Variants in GRK5 observed in about 807,000 individuals in gnomAD.
GRK5 encodes the protein G protein-coupled receptor kinase 5.
In GRK5, 40 loss-of-function variants were observed where a neutral mutation model predicts 78.4. The observed-to-expected ratio is 0.51, with a 90% confidence interval of 0.40 to 0.66. GRK5 has a LOEUF of 0.66. GRK5 is among the 30% of genes least tolerant of loss of function. The probability of loss-of-function intolerance (pLI) is 0.00; values close to 1 mark genes in which losing one functional copy is unlikely to be tolerated. For missense variants in GRK5, 598 were observed against 759.9 expected (o/e 0.79, Z 2.50); for synonymous variants, 289 against 296.8 (o/e 0.97, Z 0.27).
Position 119,267,289 on chromosome 10 carries a change from C to T in GRK5, c.53-59227C>T, listed in dbSNP as rs1012094845. On this transcript the variant is annotated intron_variant, in intron 1 of 15. Transcript: ENST00000392870. This position sits in a 1 kb window ranked among gnomAD's most constrained non-coding sequence, Gnocchi z 4.1. ...GCAGTGACAGGGTCTGCCTGTGTTG[C>T]CCAGGCTGGTCTCAAACTCCCTGCT... Among the ~76,000 whole-genome samples, 6 of 152,246 alleles carry T rather than the reference C, an allele frequency of 3.9e-5. No homozygotes were observed. The highest frequency in any genetic ancestry group is 1.4e-4 in the African/African-American group (6 of 41,560).
chr10:119,352,751 C>G (rs1220244430), intron 2 of GRK5, among the ~76,000 whole-genome samples: 1 of 152,200 alleles, frequency 6.6e-6, no homozygotes, highest in Non-Finnish European at 1.5e-5. Context: ...ACTCTTGGTA[C>G]AAACCAGTCT....
At chr10:119,371,954 CA>C (rs1416328707) in intron 2 of GRK5, among the ~76,000 whole-genome samples, 2 of 152,340 alleles carry the variant, frequency 1.3e-5, no homozygotes, top group Admixed American at 6.5e-5. Context: ...CACAGCCATC[CA>C]GAGTTGCTCC....
At chr10:119,404,983 T>C (rs1852209680) in intron 4 of GRK5, among the ~76,000 whole-genome samples, 2 of 152,226 alleles carry the variant, frequency 1.3e-5, no homozygotes, top group Admixed American at 6.5e-5. Context: ...GTGTTACTTG[T>C]AGGACATTTT....
At chr10:119,275,611 T>TCTCTTTCG (rs574879389) in intron 1 of GRK5, among the ~76,000 whole-genome samples, 1 of 123,912 alleles carries the variant, frequency 8.1e-6, no homozygotes. Context: ...TCTCTCTCTC[T>TCTCTTTCG]CGCACACACA....
intron 1 of GRK5, among the ~76,000 whole-genome samples, chr10:119,256,239 C>T (rs1031047584): frequency 5.9e-5 from 9 of 152,164 alleles, no homozygotes; most frequent in African/African-American, 1.9e-4. Context: ...TGTGGAGACT[C>T]TGCATTCCCG....
In GRK5 at chr10:119,412,879, G is replaced by A. The variant is rs796154502; in HGVS notation, c.340-10287G>A. Among the ~76,000 whole-genome samples, 1 of 152,082 alleles carries A rather than the reference G, an allele frequency of 6.6e-6. No individual in the cohort carries two copies. Among genetic ancestry groups the A allele is most frequent in the Non-Finnish European group, 1.5e-5 (1 of 68,024 alleles). On this transcript the variant is annotated intron_variant, in intron 4 of 15. Transcript: ENST00000392870. The surrounding 1 kb of genome is among the most constrained non-coding windows in gnomAD (Gnocchi z 4.3). ...TGCTTTCCCCACCCCAGACCCCGTC[G>A]CTGCAGCTGGGTGAGCAGGGCTGAG...
At chr10:119,228,182 AC>A (rs1848769761) in intron 1 of GRK5, among the ~76,000 whole-genome samples, 1 of 152,022 alleles carries the variant, frequency 6.6e-6, no homozygotes, top group South Asian at 2.1e-4. Flanking sequence ...AAAAACAAAA[AC>A]AAAAAACTAA....
In GRK5 at chr10:119,455,086, A is replaced by G. The variant is rs1478374113; in HGVS notation, c.*19A>G. The G allele has an allele frequency of 2.5e-6, 4 of 1,573,828 alleles. No individual in the cohort carries two copies. The highest frequency in any genetic ancestry group is 1.3e-5 in the African/African-American group (1 of 74,096). Reference sequence around the variant, plus strand: ...CAGCTAGTTTCGGCTCTGGCCTCCAAGTCCACAGTGGAACCAGCCCAGACC... The same window carrying G: ...CAGCTAGTTTCGGCTCTGGCCTCCAGGTCCACAGTGGAACCAGCCCAGACC... On this transcript the variant is annotated 3_prime_UTR_variant, in exon 16 of 16. Transcript: ENST00000392870.
At chr10:119,410,706 C>T (rs1319829904) in intron 4 of GRK5, among the ~76,000 whole-genome samples, 2 of 151,966 alleles carry the variant, frequency 1.3e-5, no homozygotes, top group Admixed American at 1.3e-4. Context: ...GTCAGTTCTG[C>T]CATTAGGAAA....
At chr10:119,221,842 C>G (rs1445702471) in intron 1 of GRK5, among the ~76,000 whole-genome samples, 2 of 152,116 alleles carry the variant, frequency 1.3e-5, no homozygotes, top group Non-Finnish European at 2.9e-5. Flanking sequence ...TTTCTGAGAC[C>G]TTTGGGACTT....
In GRK5 at chr10:119,248,133, T is replaced by C. The variant is rs1481242273; in HGVS notation, c.52+40164T>C. On this transcript the variant is annotated intron_variant, in intron 1 of 15. Coordinates refer to ENST00000392870, the MANE Select transcript of GRK5 (RefSeq NM_005308.3). ...CTCTAGCAATCCTCCCACCTTGGCC[T>C]CTGAAGGAGCTGGGACTATAGGCAT... Among the ~76,000 whole-genome samples, 3 of 152,162 alleles carry C rather than the reference T, an allele frequency of 2.0e-5. No individual in the cohort carries two copies. In the East Asian group the frequency reaches 5.8e-4, roughly 29 times the overall value.
In GRK5 at chr10:119,412,603, A is replaced by G. The variant is rs1035914980; in HGVS notation, c.340-10563A>G. Among the ~76,000 whole-genome samples, 1 of 152,170 alleles carries G rather than the reference A, an allele frequency of 6.6e-6. No homozygotes were observed. The highest frequency in any genetic ancestry group is 6.5e-5 in the Admixed American group (1 of 15,278). ...TGCCTGGCCATGGACAGAGAAAGGA[A>G]CCACTCCAGACGGACGTGAGGGTGT... On this transcript the variant is annotated intron_variant, in intron 4 of 15. Coordinates refer to ENST00000392870, the MANE Select transcript of GRK5 (RefSeq NM_005308.3). The surrounding 1 kb of genome is among the most constrained non-coding windows in gnomAD (Gnocchi z 4.3).
chr10:119,406,972 A>G (rs1356359292), intron 4 of GRK5, among the ~76,000 whole-genome samples: 1 of 152,238 alleles, frequency 6.6e-6, no homozygotes, highest in Non-Finnish European at 1.5e-5. Context: ...TCACAGCCAT[A>G]TAAAATAACA....
intron 3 of GRK5, among the ~76,000 whole-genome samples, chr10:119,390,381 T>C (rs2133841747): frequency 6.6e-6 from 1 of 152,248 alleles, no homozygotes; most frequent in Non-Finnish European, 1.5e-5. Flanking sequence ...GCAGCAGAAC[T>C]GCCCTTTATA....
Position 119,277,419 on chromosome 10 carries a change from C to T in GRK5, c.53-49097C>T, listed in dbSNP as rs73450555. On this transcript the variant is annotated intron_variant, in intron 1 of 15. Transcript: ENST00000392870. ...ATAATTGTTGATGTTGAGGCATGAT[C>T]TCTGCATGCATTCTGTACCTGCTCC... 2.6e-3 allele frequency among the ~76,000 whole-genome samples: 393 copies of T among 152,312 alleles called. 1 individual carries two copies. The highest frequency in any genetic ancestry group is 0.01 in the Middle Eastern group (3 of 294).
At chr10:119,343,689 G>C (rs1851022192) in intron 2 of GRK5, among the ~76,000 whole-genome samples, 1 of 152,252 alleles carries the variant, frequency 6.6e-6, no homozygotes, top group Non-Finnish European at 1.5e-5. Context: ...AGGGGAGGCT[G>C]GGTTGGGCCC....
At chr10:119,233,025 G>C (rs983357551) in intron 1 of GRK5, among the ~76,000 whole-genome samples, 5 of 152,216 alleles carry the variant, frequency 3.3e-5, no homozygotes, top group African/African-American at 9.6e-5. Flanking sequence ...AGGAGATGTG[G>C]CTGGCTCTGG....
At chr10:119,349,351 CTG>C (rs1200501435) in intron 2 of GRK5, among the ~76,000 whole-genome samples, 1 of 152,246 alleles carries the variant, frequency 6.6e-6, no homozygotes, top group African/African-American at 2.4e-5. Flanking sequence ...GTGTCCAGCT[CTG>C]TGTCTGACTC....
At chr10:119,235,056 CCT>C (rs1848900889) in intron 1 of GRK5, among the ~76,000 whole-genome samples, 1 of 152,172 alleles carries the variant, frequency 6.6e-6, no homozygotes, top group Admixed American at 6.5e-5. Flanking sequence ...CTCACTGCAA[CCT>C]CTGCCTTCCC....
Sources: allele counts gnomAD v4.1 joint callset (sites outside exome capture counted in the v4.1 genomes callset), GRCh38; gene constraint gnomAD v4.1.1; non-coding constraint Gnocchi (gnomAD v3.1); transcripts MANE v1.5; gene names NCBI Gene and HGNC (gene_info 2026-07-23, HGNC 2026-07-21).